The following DPYD variants were observed in gnomAD, a reference collection of about 807,000 sequenced individuals.
DPYD encodes dihydropyrimidine dehydrogenase [NADP(+)].
DPYD carries 109 observed loss-of-function variants against 116.2 expected under a neutral mutation model. The ratio of observed to expected loss-of-function variants is 0.94; its 90% CI spans 0.80 to 1.10. DPYD has a LOEUF of 1.10. Ranked by LOEUF, DPYD falls within the 50% of genes least tolerant of loss-of-function variation. The probability of loss-of-function intolerance (pLI) is 0.00; values close to 1 mark genes in which losing one functional copy is unlikely to be tolerated. For synonymous variants in DPYD, 440 were observed against 432.0 expected, an observed-to-expected ratio of 1.02 and a Z score of -0.23; for missense variants, 1,302 against 1,254.5, an observed-to-expected ratio of 1.04 and a Z score of -0.57.
At position 97,316,463 on chromosome 1, in the gene DPYD, G is replaced by A. The variant is rs75783453; in HGVS notation, c.2059-10166C>T. Among the ~76,000 whole-genome samples, 1,018 of 150,776 alleles carry A rather than the reference G, an allele frequency of 6.8e-3. 5 individuals carry two copies. Among genetic ancestry groups the A allele is most frequent in the East Asian group, 0.017 (88 of 5,086 alleles). On this transcript the variant is annotated intron_variant, in intron 16 of 22. Transcript: ENST00000370192. ...CAGGAGGTGGAGGCTGCAGTGAGCC[G>A]AGATTGCGTCACTGCATTCCAGCCT... is the stretch of plus-strand genomic sequence containing the variant.
intron 18 of DPYD, among the ~76,000 whole-genome samples, chr1:97,270,516 G>A (rs1570802735): frequency 6.6e-6 from 1 of 152,288 alleles, no homozygotes; most frequent in East Asian, 1.9e-4. Flanking sequence ...TGCTCTAAAG[G>A]CTGTGAGAGG....
At chr1:97,609,122 T>C (rs1286133144) in intron 8 of DPYD, among the ~76,000 whole-genome samples, 1 of 151,968 alleles carries the variant, frequency 6.6e-6, no homozygotes, top group Admixed American at 6.6e-5. Context: ...TTCTTTTCAG[T>C]TTCTGAATAG....
intron 16 of DPYD, among the ~76,000 whole-genome samples, chr1:97,314,730 G>T (rs575740787): frequency 6.6e-6 from 1 of 151,960 alleles, no homozygotes; most frequent in Non-Finnish European, 1.5e-5. Flanking sequence ...TATGGAATCA[G>T]ATTCAGATTT....
chr1:97,360,878 T>C (rs55701269), intron 16 of DPYD, among the ~76,000 whole-genome samples: 8,240 of 151,820 alleles, frequency 0.054, 317 homozygotes, highest in East Asian at 0.17. Context: ...GACACCCTAA[T>C]ATCACAATTA....
Position 97,330,383 on chromosome 1 carries a change from A to G in DPYD, c.2059-24086T>C, listed in dbSNP as rs74104366. On this transcript the variant is annotated intron_variant, in intron 16 of 22. Transcript: ENST00000370192. ...GGTAAACAGTAGGGTATCATCAGCC[A>G]TAATTATCTTATTTGCCTAGTAGTG... Among the ~76,000 whole-genome samples, 1,432 of 152,296 alleles carry G rather than the reference A, an allele frequency of 9.4e-3. 19 individuals carry two copies. Among genetic ancestry groups the G allele is most frequent in the African/African-American group, 0.033 (1,379 of 41,562 alleles).
intron 8 of DPYD, among the ~76,000 whole-genome samples, chr1:97,651,747 A>C (rs942059560): frequency 4.6e-5 from 7 of 152,202 alleles, no homozygotes; most frequent in Non-Finnish European, 8.8e-5. Context: ...ACCAGATTTT[A>C]AAAATGCCAA....
At chr1:97,351,107 G>T (rs1670119243) in intron 16 of DPYD, among the ~76,000 whole-genome samples, 1 of 152,042 alleles carries the variant, frequency 6.6e-6, no homozygotes, top group African/African-American at 2.4e-5. Flanking sequence ...TATCACATTT[G>T]CTTATTTATT....
At chr1:97,195,634 GTATATATATATATATATATATATA>G (rs71071637) in intron 19 of DPYD, among the ~76,000 whole-genome samples, 8,562 of 57,766 alleles carry the variant, frequency 0.15, 1,064 homozygotes, top group East Asian at 0.37. Flanking sequence ...ATATGTATGT[GTATATATATATATATATATATATA>G]TATATATATA....
intron 16 of DPYD, among the ~76,000 whole-genome samples, chr1:97,330,769 T>A (rs1668945988): frequency 6.6e-6 from 1 of 152,206 alleles, no homozygotes; most frequent in African/African-American, 2.4e-5. Flanking sequence ...TTTGCTTTTA[T>A]AGTTGCCTTT....
intron 16 of DPYD, among the ~76,000 whole-genome samples, chr1:97,364,036 A>G (rs576298387): frequency 6.6e-6 from 1 of 152,200 alleles, no homozygotes; most frequent in African/African-American, 2.4e-5. Context: ...GTAGTATTCC[A>G]TGATATCTAT....
At chr1:97,706,027 C>A (rs186487151) in intron 5 of DPYD, among the ~76,000 whole-genome samples, 1 of 151,444 alleles carries the variant, frequency 6.6e-6, no homozygotes, top group African/African-American at 2.4e-5. Flanking sequence ...TCACAGTAAT[C>A]GCTAAAAAAT....
At chr1:97,198,484 C>T (rs963412775) in intron 19 of DPYD, among the ~76,000 whole-genome samples, 1 of 152,104 alleles carries the variant, frequency 6.6e-6, no homozygotes, top group Non-Finnish European at 1.5e-5. Flanking sequence ...AACAGCTTTG[C>T]CCATGGATTT....
chr1:97,266,762 G>A (rs535369127), intron 18 of DPYD, among the ~76,000 whole-genome samples: 184 of 152,040 alleles, frequency 1.2e-3, no homozygotes, highest in South Asian at 2.3e-3. Flanking sequence ...TCCTACCTAT[G>A]AGTGAGAACA....
At chr1:97,687,154 C>T (rs993911610) in intron 7 of DPYD, among the ~76,000 whole-genome samples, 1 of 151,994 alleles carries the variant, frequency 6.6e-6, no homozygotes, top group Non-Finnish European at 1.5e-5. Context: ...ACCTATAATC[C>T]CAGCTACTTG....
rs376399070 is a variant in DPYD at position 97,306,335 on chromosome 1, A to G, written c.2059-38T>C. Reference sequence around the variant, plus strand: ...GTCGGTTAAATATAGAACAAAATTAAAGAATTGTGATCAAAATGTGTACTG... The same window carrying G: ...GTCGGTTAAATATAGAACAAAATTAGAGAATTGTGATCAAAATGTGTACTG... On this transcript the variant is annotated intron_variant, in intron 16 of 22. Transcript: ENST00000370192. 7.4e-6 allele frequency: 12 copies of G among 1,610,956 alleles called. No homozygotes were observed. In the African/African-American group the frequency reaches 1.6e-4, roughly 22 times the overall value.
At chr1:97,600,340 TA>T (rs1003383160) in intron 8 of DPYD, among the ~76,000 whole-genome samples, 105 of 152,304 alleles carry the variant, frequency 6.9e-4, no homozygotes, top group Middle Eastern at 3.4e-3. Context: ...GGTGCTGCAT[TA>T]GGGACAGTAT....
intron 3 of DPYD, among the ~76,000 whole-genome samples, chr1:97,772,189 C>T (rs1371419091): frequency 6.6e-6 from 1 of 152,164 alleles, no homozygotes; most frequent in Non-Finnish European, 1.5e-5. Flanking sequence ...TAAGACAAGA[C>T]TCTCAATTTT....
At chr1:97,577,886 C>A (rs1653378559) in intron 10 of DPYD, among the ~76,000 whole-genome samples, 1 of 151,710 alleles carries the variant, frequency 6.6e-6, no homozygotes, top group Admixed American at 6.6e-5. Flanking sequence ...TTGCCAGTTG[C>A]CCAGGCTGGA....
In DPYD at chr1:97,306,278, T is replaced by G; in HGVS notation, c.2078A>C (p.Asn693Thr). The G allele has an allele frequency of 6.2e-7, 1 of 1,612,346 alleles. No homozygotes were observed. Among genetic ancestry groups the G allele is most frequent in the Non-Finnish European group, 8.5e-7 (1 of 1,178,788 alleles). The change falls in exon 17 of 23, where the codon AAC (asparagine) becomes ACC (threonine). Residue 693 changes from asparagine (N) to threonine (T), a missense_variant. Physicochemically the swap from Asn to Thr is moderately conservative, Grantham distance 65. Transcript: ENST00000370192. ...ACGQDPELVRNICRWVRQAVQ... is the reference protein window; with the variant it reads ...ACGQDPELVRTICRWVRQAVQ... ...AGCTTGCCTAACCCAGCGGCAGATG[T>G]TCCGCACCAGCTCTGGATCCTGTTC... is the stretch of plus-strand genomic sequence containing the variant.
Sources: gnomAD v4.1 joint callset for allele counts (sites outside exome capture counted in the v4.1 genomes callset) on GRCh38, gnomAD v4.1.1 for gene constraint, MANE v1.5 for transcripts, NCBI Gene and HGNC (gene_info 2026-07-23, HGNC 2026-07-21) for gene names.